Variants in SAMD4A observed in about 807,000 individuals in gnomAD.
SAMD4A encodes the protein protein Smaug homolog 1.
In SAMD4A, 33 loss-of-function variants were observed where a neutral mutation model predicts 81.3. The ratio of observed to expected loss-of-function variants is 0.41; its 90% CI spans 0.31 to 0.54. The LOEUF (loss-of-function observed/expected upper bound fraction) is 0.54, where lower values mean the gene tolerates loss of function less well. Among genes scored for constraint, SAMD4A ranks in the 20% least tolerant of loss-of-function variants. The pLI is 0.37. For missense variants in SAMD4A, 854 were observed against 951.1 expected, an observed-to-expected ratio of 0.90 and a Z score of 1.34; for synonymous variants, 389 against 382.1, an observed-to-expected ratio of 1.02 and a Z score of -0.21.
At chr14:54,624,253 G>T (rs924716692) in intron 2 of SAMD4A, among the ~76,000 whole-genome samples, 1 of 152,216 alleles carries the variant, frequency 6.6e-6, no homozygotes, top group Non-Finnish European at 1.5e-5. Context: ...GATTACAGGC[G>T]CAAGCCACCG....
chr14:54,700,351 A>G (rs1481790007), intron 2 of SAMD4A, among the ~76,000 whole-genome samples: 1 of 152,234 alleles, frequency 6.6e-6, no homozygotes, highest in Non-Finnish European at 1.5e-5. Context: ...ATTTGTGTCC[A>G]GCTTTGCCTG....
At chr14:54,757,404 TG>T (rs2038270992) in intron 6 of SAMD4A, among the ~76,000 whole-genome samples, 4 of 147,638 alleles carry the variant, frequency 2.7e-5, no homozygotes, top group African/African-American at 1.0e-4. Context: ...TGTGTGTGTG[TG>T]TGTGTGTGTG....
intron 2 of SAMD4A, among the ~76,000 whole-genome samples, chr14:54,637,887 T>G (rs938988626): frequency 1.3e-5 from 2 of 152,214 alleles, no homozygotes; most frequent in African/African-American, 4.8e-5. Context: ...CGTGAAATTT[T>G]TATTAAGAAA....
At chr14:54,771,480 A>G (rs2038704063) in intron 9 of SAMD4A, among the ~76,000 whole-genome samples, 1 of 152,082 alleles carries the variant, frequency 6.6e-6, no homozygotes, top group Non-Finnish European at 1.5e-5. Context: ...AGCAGAAAAG[A>G]TTGTTCAGGC....
chr14:54,674,101 CA>C (rs1479716672), intron 2 of SAMD4A, among the ~76,000 whole-genome samples: 1 of 152,124 alleles, frequency 6.6e-6, no homozygotes, highest in African/African-American at 2.4e-5. Flanking sequence ...CAAGGAATGC[CA>C]AAATATTAAA....
At chr14:54,727,604 A>G (rs569537973) in intron 3 of SAMD4A, among the ~76,000 whole-genome samples, 1 of 152,314 alleles carries the variant, frequency 6.6e-6, no homozygotes, top group Admixed American at 6.5e-5. Context: ...TGAAACAAGA[A>G]AGCAGCGCTT....
rs905943426 is a variant in SAMD4A at position 54,792,023 on chromosome 14, G to A, written c.*3079G>A. ...TCTACATTGTCCTAGGGACAGTGGT[G>A]TTCTACAATATTATCATGTATGATG... On this transcript the variant is annotated 3_prime_UTR_variant, in exon 13 of 13. Coordinates refer to ENST00000554335, the MANE Select transcript of SAMD4A (RefSeq NM_015589.6). The A allele has an allele frequency of 2.0e-5, 3 of 152,296 alleles. No homozygotes were observed. The highest frequency in any genetic ancestry group is 4.8e-5 in the African/African-American group (2 of 41,552). 9.4% of individuals were successfully genotyped at this position (152,296 alleles called of 1,614,324 possible).
intron 2 of SAMD4A, among the ~76,000 whole-genome samples, chr14:54,574,358 G>A (rs2033224168): frequency 6.6e-6 from 1 of 152,216 alleles, no homozygotes; most frequent in African/African-American, 2.4e-5. Flanking sequence ...AAACTTGACT[G>A]TGTCACATGA....
At chr14:54,737,718 T>C (rs2037736224) in intron 4 of SAMD4A, among the ~76,000 whole-genome samples, 1 of 151,914 alleles carries the variant, frequency 6.6e-6, no homozygotes, top group South Asian at 2.1e-4. Flanking sequence ...ATTTTTTTTT[T>C]TCCTTTATAA....
intron 2 of SAMD4A, among the ~76,000 whole-genome samples, chr14:54,648,867 G>GTTGTTTCATTTAGGTTGT (rs1194576933): frequency 1.8e-4 from 27 of 152,160 alleles, no homozygotes; most frequent in African/African-American, 6.0e-4. Context: ...GGAGGTGGGG[G>GTTGTTTCATTTAGGTTGT]TTCATTTAGG....
chr14:54,675,223 G>A (rs918358592), intron 2 of SAMD4A, among the ~76,000 whole-genome samples: 19 of 152,024 alleles, frequency 1.2e-4, no homozygotes, highest in African/African-American at 3.4e-4. Context: ...AAAATTAGCC[G>A]GGCGTGGTGG....
At chr14:54,764,699 C>T (rs1228202308) in intron 8 of SAMD4A, among the ~76,000 whole-genome samples, 159 bp downstream of exon 8, 3 of 152,204 alleles carry the variant, frequency 2.0e-5, no homozygotes, top group Non-Finnish European at 4.4e-5. Flanking sequence ...ATGACAGCCT[C>T]AAACCCAAAC....
At chr14:54,695,592 G>C (rs2036554001) in intron 2 of SAMD4A, among the ~76,000 whole-genome samples, 1 of 152,224 alleles carries the variant, frequency 6.6e-6, no homozygotes, top group African/African-American at 2.4e-5. Flanking sequence ...AAGCACATAG[G>C]TGAATACCAG....
At chr14:54,594,194 T>C (rs1000764938) in intron 2 of SAMD4A, among the ~76,000 whole-genome samples, 2 of 152,224 alleles carry the variant, frequency 1.3e-5, no homozygotes, top group Non-Finnish European at 2.9e-5. Context: ...TTAACAGCTC[T>C]GTTTATGCTC....
At chr14:54,774,854 G>A (rs1274943744) in intron 9 of SAMD4A, 80 bp from the exon 10 acceptor site, 30 of 1,235,026 alleles carry the variant, frequency 2.4e-5, no homozygotes, top group South Asian at 5.0e-5. Flanking sequence ...CCTCCAAGGC[G>A]ACATCCCTTG....
intron 2 of SAMD4A, among the ~76,000 whole-genome samples, chr14:54,638,223 G>A (rs1316410862): frequency 1.3e-5 from 2 of 152,212 alleles, no homozygotes; most frequent in Non-Finnish European, 2.9e-5. Flanking sequence ...CTGTGTGTCT[G>A]CATGATTCAT....
intron 2 of SAMD4A, chr14:54,687,432 T>A (rs1241205556): frequency 2.3e-6 from 1 of 428,836 alleles, no homozygotes; most frequent in Non-Finnish European, 4.6e-6. Context: ...ATTAGTTAGC[T>A]GTGTTTGAAA....
intron 2 of SAMD4A, among the ~76,000 whole-genome samples, chr14:54,677,893 T>C (rs2036026394): frequency 6.6e-6 from 1 of 152,252 alleles, no homozygotes; most frequent in African/African-American, 2.4e-5. Context: ...GAATCCTTTC[T>C]AAATAGCTTC....
chr14:54,592,963 GTTATA>G (rs377421397), intron 2 of SAMD4A, among the ~76,000 whole-genome samples: 19 of 152,190 alleles, frequency 1.2e-4, no homozygotes, highest in Middle Eastern at 3.4e-3. Flanking sequence ...TTCATTTAAT[GTTATA>G]TTATGAGCAT....
Sources: gnomAD v4.1 joint callset for allele counts (sites outside exome capture counted in the v4.1 genomes callset) on GRCh38, gnomAD v4.1.1 for gene constraint, MANE v1.5 for transcripts, NCBI Gene and HGNC (gene_info 2026-07-23, HGNC 2026-07-21) for gene names.